Variants in ZNF330 observed in about 807,000 individuals in gnomAD.
ZNF330 encodes the protein nucleolar atypical zinc finger, also known as zinc finger protein 330.
In ZNF330, 31 loss-of-function variants were observed where a neutral mutation model predicts 45.5. The observed-to-expected ratio is 0.68, with a 90% CI of 0.51 to 0.92. The LOEUF is 0.92. Among genes scored for constraint, ZNF330 ranks in the 40% least tolerant of loss-of-function variants. The pLI, the probability that ZNF330 is intolerant of heterozygous loss-of-function variation, is 0.00. For synonymous variants in ZNF330, 138 were observed against 123.2 expected, an observed-to-expected ratio of 1.12 and a Z score of -0.79; for missense variants, 356 against 387.4, an observed-to-expected ratio of 0.92 and a Z score of 0.68.
rs1728710672 is a variant in ZNF330 at position 141,222,670 on chromosome 4, ATAT to A, written c.120+186_120+188del. 3.7e-6 allele frequency: 2 copies of A among 545,440 alleles called. 1 individual carries two copies. Among genetic ancestry groups the A allele is most frequent in the South Asian group, 5.6e-5 (2 of 35,946 alleles). 33.8% of individuals were successfully genotyped at this position (545,440 alleles called of 1,614,324 possible). On this transcript the variant is annotated intron_variant, in intron 2 of 9. Transcript: ENST00000262990. ...GTGGCAGTGATTGTTGTTGGATTTT[ATAT>A]TATTATAAAACCTAGCATATTACTT...
chr4:141,232,907 ATTTTT>A lies in ZNF330; in HGVS notation c.688+270_688+274del, dbSNP rs61541095. On this transcript the variant is annotated intron_variant, in intron 9 of 9. Transcript: ENST00000262990. ...ATACTGAAATTTAAGATAAAGAGTG[ATTTTT>A]TTTTATTTTTGTTGAGTCTTCCTTG... Among the ~76,000 whole-genome samples the A allele has an allele frequency of 8.6e-4, 130 of 151,206 alleles. 2 individuals carry two copies. In the South Asian group the frequency reaches 0.018, roughly 20 times the overall value.
At chr4:141,232,700 A>T in intron 9 of ZNF330, 58 bp downstream of exon 9, 4 of 953,552 alleles carry the variant, frequency 4.2e-6, no homozygotes, top group Non-Finnish European at 4.4e-6. Context: ...GACAAAGTTT[A>T]TCTTTTTTTT....
chr4:141,223,385 T>C (rs750509332), intron 2 of ZNF330, among the ~76,000 whole-genome samples: 30 of 152,094 alleles, frequency 2.0e-4, no homozygotes, highest in Non-Finnish European at 4.0e-4. Context: ...TCGGGGACAA[T>C]TGGAACCTGG....
Position 141,222,382 on chromosome 4 carries a change from A to C in ZNF330, c.11A>C (p.Lys4Thr). The change falls in exon 2 of 10, where the codon AAA becomes ACA. Residue 4 changes from lysine (K) to threonine (T), a missense_variant. Transcript: ENST00000262990. Reference sequence around the variant, plus strand: ...TCAAAATAGGGGAAAATGCCTAAAAAAAAGACTGGTGCGAGGAAGAAGGCT... The same window carrying C: ...TCAAAATAGGGGAAAATGCCTAAAACAAAGACTGGTGCGAGGAAGAAGGCT... MPK[K>T]KTGARKKAEN... The C allele has an allele frequency of 6.2e-7, 1 of 1,613,116 alleles. No individual in the cohort carries two copies. The highest frequency in any genetic ancestry group is 8.5e-7 in the Non-Finnish European group (1 of 1,179,586).
intron 4 of ZNF330, among the ~76,000 whole-genome samples, chr4:141,226,421 G>T (rs922066215): frequency 2.0e-5 from 3 of 152,078 alleles, no homozygotes; most frequent in Non-Finnish European, 1.5e-5. Flanking sequence ...TTTAAAAATT[G>T]TTTTGAATAA....
In ZNF330 at chr4:141,225,561, A is replaced by G. The variant is rs1252600027; in HGVS notation, c.211+884A>G. ...AATAATAATAATTTCAGGTAGAACA[A>G]TTTGGGGTATGCTCATTTAAGTGTG... On this transcript the variant is annotated intron_variant, in intron 4 of 9. Coordinates refer to ENST00000262990, the MANE Select transcript of ZNF330 (RefSeq NM_014487.6). 4.0e-5 allele frequency among the ~76,000 whole-genome samples: 6 copies of G among 150,696 alleles called. No individual in the cohort carries two copies. The South Asian group carries it at 8.6e-4, about 22-fold the overall frequency.
chr4:141,229,672 ATGTG>A lies in ZNF330; in HGVS notation c.394_397del (p.Cys132AsnfsTer36). The A allele has an allele frequency of 6.2e-7, 1 of 1,613,152 alleles. No individual in the cohort carries two copies. The highest frequency in any genetic ancestry group is 8.5e-7 in the Non-Finnish European group (1 of 1,179,286). ...CTCTTACCGATGCTGAGTGTGTTGAATGTGAACGAGGCGTGTGGGACCATGGTGA... is the reference window on the plus strand; with the variant it reads ...CTCTTACCGATGCTGAGTGTGTTGAAAACGAGGCGTGTGGGACCATGGTGA... On this transcript the variant is annotated frameshift_variant, in exon 6 of 10. Coordinates refer to ENST00000262990, the MANE Select transcript of ZNF330 (RefSeq NM_014487.6). LOFTEE classifies it high-confidence loss of function.
chr4:141,224,438 C>T, intron 2 of ZNF330, 49 bp from the exon 3 acceptor site: 1 of 1,557,470 alleles, frequency 6.4e-7, no homozygotes, highest in Non-Finnish European at 8.8e-7. Flanking sequence ...AGTAAATTTG[C>T]AGTTTTCAGT....
intron 4 of ZNF330, among the ~76,000 whole-genome samples, chr4:141,226,443 A>G (rs1422414049): frequency 6.6e-6 from 1 of 152,176 alleles, no homozygotes; most frequent in African/African-American, 2.4e-5. Flanking sequence ...CTGAAGATTG[A>G]TAAGTTTTTA....
At chr4:141,229,447 G>T (rs952851357) in intron 5 of ZNF330, 124 bp from the exon 6 acceptor site, 1 of 1,232,864 alleles carries the variant, frequency 8.1e-7, no homozygotes, top group East Asian at 2.4e-5. Context: ...TAAATGAAGC[G>T]GCCTACTATC....
At position 141,229,710 on chromosome 4, in the gene ZNF330, A is replaced by C; in HGVS notation, c.418+13A>C. On this transcript the variant is annotated intron_variant, in intron 6 of 9. Transcript: ENST00000262990. The stretch of plus-strand genomic sequence containing the variant: ...GTGTGGGACCATGGTGAGTCATTAG[A>C]CACAAGTAATGAGCTTTGTTATAGG... 2.5e-6 allele frequency: 4 copies of C among 1,612,742 alleles called. No individual in the cohort carries two copies. The highest frequency in any genetic ancestry group is 3.4e-6 in the Non-Finnish European group (4 of 1,179,038).
intron 9 of ZNF330, among the ~76,000 whole-genome samples, chr4:141,233,187 CAT>C (rs1417788212): frequency 6.6e-6 from 1 of 152,088 alleles, no homozygotes; most frequent in Non-Finnish European, 1.5e-5. Context: ...CTTAACCAAA[CAT>C]ATCAGAATGG....
intron 5 of ZNF330, 105 bp downstream of exon 5, chr4:141,226,951 TTCAA>T: frequency 2.2e-6 from 2 of 910,888 alleles, no homozygotes; most frequent in Non-Finnish European, 3.4e-6. Context: ...TGTCCCTTGT[TTCAA>T]TCAATCTGTA....
intron 5 of ZNF330, 139 bp from the exon 6 acceptor site, chr4:141,229,432 A>G (rs1306260270): frequency 9.8e-6 from 11 of 1,118,176 alleles, no homozygotes; most frequent in African/African-American, 1.6e-5. Context: ...GAGTAGTAAA[A>G]TGTTTAAATG....
intron 5 of ZNF330, among the ~76,000 whole-genome samples, chr4:141,227,831 T>C (rs1728849150): frequency 6.6e-6 from 1 of 152,158 alleles, no homozygotes; most frequent in Admixed American, 6.5e-5. Flanking sequence ...ATATTTAACA[T>C]ACCTCTTCAT....
intron 7 of ZNF330, 111 bp from the exon 8 acceptor site, chr4:141,231,328 A>G (rs1319494660): frequency 1.3e-6 from 1 of 759,514 alleles, no homozygotes. Context: ...AAAGACAGGC[A>G]GCTGTCTATA....
In ZNF330 at chr4:141,229,706, T is replaced by G. The variant is rs7684664; in HGVS notation, c.418+9T>G. 0.27 allele frequency: 435,229 copies of G among 1,612,058 alleles called. 64,372 individuals are homozygous for G. The highest frequency in any genetic ancestry group is 0.61 in the East Asian group (27,422 of 44,846). ...AGGCGTGTGGGACCATGGTGAGTCA[T>G]TAGACACAAGTAATGAGCTTTGTTA... On this transcript the variant is annotated intron_variant, in intron 6 of 9. Coordinates refer to ENST00000262990, the MANE Select transcript of ZNF330 (RefSeq NM_014487.6).
intron 2 of ZNF330, chr4:141,223,915 A>G (rs1560784970): frequency 2.5e-6 from 1 of 394,538 alleles, no homozygotes; most frequent in South Asian, 1.9e-5. Flanking sequence ...AGAGAATATA[A>G]GACATATTTG....
chr4:141,224,728 A>G (rs1220963744), intron 4 of ZNF330, 51 bp downstream of exon 4: 1 of 1,510,792 alleles, frequency 6.6e-7, no homozygotes. Context: ...TGGTAGTTCA[A>G]CAATTTGAAC....
Sources: allele counts gnomAD v4.1 joint callset (sites outside exome capture counted in the v4.1 genomes callset), GRCh38; gene constraint gnomAD v4.1.1; transcripts MANE v1.5; gene names NCBI Gene and HGNC (gene_info 2026-07-23, HGNC 2026-07-21).